The following PRKCE variants were observed in gnomAD, a reference collection of about 807,000 sequenced individuals.
The protein encoded by PRKCE is protein kinase C epsilon.
Under a neutral mutation model 85.4 loss-of-function variants are expected in PRKCE, and 16 were observed. That is an observed-to-expected ratio of 0.19 (90% CI 0.13 to 0.28). PRKCE has a LOEUF of 0.28. PRKCE is among the 10% of genes least tolerant of loss of function. The probability of loss-of-function intolerance (pLI) is 1.00; values close to 1 mark genes in which losing one functional copy is unlikely to be tolerated. For synonymous variants in PRKCE, 388 were observed against 371.5 expected (o/e 1.04, Z -0.51); for missense variants, 573 against 975.2 (o/e 0.59, Z 5.49).
rs70937991 is a variant in PRKCE at position 46,123,214 on chromosome 2, C to CTTTTTTTTT, written c.1593-21858_1593-21850dup. 7.6e-3 allele frequency among the ~76,000 whole-genome samples: 208 copies of CTTTTTTTTT among 27,372 alleles called. 54 individuals carry two copies. Among genetic ancestry groups the CTTTTTTTTT allele is most frequent in the African/African-American group, 0.016 (128 of 7,914 alleles). 18.0% of individuals were successfully genotyped at this position (27,372 alleles called of 152,430 possible). On this transcript the variant is annotated intron_variant, in intron 11 of 14. Transcript: ENST00000306156. ...AAGCTTTACAAAGGAAAACACTTGC[C>CTTTTTTTTT]TTTTTTTTTTTTTTTTTTTTTTTTT... is the stretch of plus-strand genomic sequence containing the variant.
Position 45,815,472 on chromosome 2 carries a change from G to A in PRKCE, c.349-27528G>A, listed in dbSNP as rs1001425275. ...ATTCCCCTATTCTTAGTTTGCAATT[G>A]GTTGTCTCCTGTCAGGTTCCAATCC... On this transcript the variant is annotated intron_variant, in intron 1 of 14. Coordinates refer to ENST00000306156, the MANE Select transcript of PRKCE (RefSeq NM_005400.3). Among the ~76,000 whole-genome samples, 13 of 152,184 alleles carry A rather than the reference G, an allele frequency of 8.5e-5. 1 individual carries two copies. The highest frequency in any genetic ancestry group is 2.9e-4 in the African/African-American group (12 of 41,522).
Position 45,652,268 on chromosome 2 carries a change from C to G in PRKCE, c.168C>G (p.Thr56=). The part of the protein sequence containing the change: ...VDDSRIGQTA[T]KQKTNSPAWH... ...ACTCGCGCATCGGCCAAACGGCCACCAAGCAGAAGACCAACAGCCCGGCCT... is the reference window on the plus strand; with the variant it reads ...ACTCGCGCATCGGCCAAACGGCCACGAAGCAGAAGACCAACAGCCCGGCCT... Residue 56 remains threonine (T), a synonymous_variant, in exon 1 of 15, where the codon ACC becomes ACG. Transcript: ENST00000306156. The surrounding 1 kb of genome is among the most constrained non-coding windows in gnomAD (Gnocchi z 7.7). The G allele has an allele frequency of 1.9e-6, 3 of 1,613,314 alleles. No homozygotes were observed. Among genetic ancestry groups the G allele is most frequent in the Non-Finnish European group, 2.5e-6 (3 of 1,180,000 alleles).
In PRKCE at chr2:45,783,088, A is replaced by G. The variant is rs371030274; in HGVS notation, c.349-59912A>G. Among the ~76,000 whole-genome samples the G allele has an allele frequency of 3.3e-5, 5 of 152,306 alleles. No homozygotes were observed. In the South Asian group the frequency reaches 8.3e-4, roughly 25 times the overall value. On this transcript the variant is annotated intron_variant, in intron 1 of 14. Transcript: ENST00000306156. ...ATATAAATAGCCATGTGCTGGCCCC[A>G]GTGGCCAGTGTGCACTCCCAGGCTG...
intron 10 of PRKCE, among the ~76,000 whole-genome samples, chr2:46,015,691 CAAA>C (rs749060776): frequency 3.7e-5 from 3 of 80,786 alleles, no homozygotes; most frequent in Non-Finnish European, 7.4e-5. Context: ...AACACTAAAC[CAAA>C]AAAAAAAAAA....
At chr2:45,911,776 G>A (rs899200613) in intron 2 of PRKCE, among the ~76,000 whole-genome samples, 4 of 152,130 alleles carry the variant, frequency 2.6e-5, no homozygotes, top group African/African-American at 9.7e-5. Flanking sequence ...CCACTTGCTA[G>A]CCTTGTTATT....
At chr2:45,653,573 T>C (rs1364637535) in intron 1 of PRKCE, among the ~76,000 whole-genome samples, 1 of 152,084 alleles carries the variant, frequency 6.6e-6, no homozygotes, top group Non-Finnish European at 1.5e-5. Context: ...AGCAATTGCT[T>C]TCTATTGAAA....
intron 10 of PRKCE, among the ~76,000 whole-genome samples, chr2:46,048,992 G>A (rs1165884028): frequency 1.3e-5 from 2 of 152,114 alleles, no homozygotes; most frequent in African/African-American, 4.8e-5. Flanking sequence ...TACACAGGAG[G>A]AACTCCAAAA....
intron 10 of PRKCE, among the ~76,000 whole-genome samples, chr2:46,049,129 G>A: frequency 6.6e-6 from 1 of 152,182 alleles, no homozygotes; most frequent in East Asian, 1.9e-4. Flanking sequence ...TACAAGGTCT[G>A]TCTTTCCCCT....
At chr2:45,917,748 C>CGCA (rs1697918440) in intron 2 of PRKCE, among the ~76,000 whole-genome samples, 1 of 152,196 alleles carries the variant, frequency 6.6e-6, no homozygotes, top group African/African-American at 2.4e-5. Context: ...AGGCTCCGGC[C>CGCA]GCACGGGAGC....
chr2:45,928,573 A>AC (rs1698804372), intron 2 of PRKCE, among the ~76,000 whole-genome samples: 1 of 152,180 alleles, frequency 6.6e-6, no homozygotes, highest in Non-Finnish European at 1.5e-5. Flanking sequence ...CCCGGCCCAT[A>AC]ACTTTACACT....
At chr2:45,750,710 G>T (rs1474785686) in intron 1 of PRKCE, among the ~76,000 whole-genome samples, 1 of 152,120 alleles carries the variant, frequency 6.6e-6, no homozygotes, top group African/African-American at 2.4e-5. Context: ...CCTATATCAT[G>T]GGTCATTCTG....
intron 1 of PRKCE, among the ~76,000 whole-genome samples, chr2:45,775,662 G>A (rs2104952324): frequency 6.6e-6 from 1 of 152,236 alleles, no homozygotes; most frequent in Middle Eastern, 3.4e-3. Flanking sequence ...TCCTACCAGG[G>A]AACTTGCAGT....
intron 9 of PRKCE, among the ~76,000 whole-genome samples, chr2:46,008,168 T>C (rs991344918): frequency 1.3e-5 from 2 of 152,234 alleles, no homozygotes; most frequent in African/African-American, 4.8e-5. Context: ...TAATAAATGT[T>C]CTGTTTATCC....
At chr2:46,142,739 G>C (rs151058340) in intron 11 of PRKCE, among the ~76,000 whole-genome samples, 113 of 152,376 alleles carry the variant, frequency 7.4e-4, no homozygotes, top group African/African-American at 2.6e-3. Flanking sequence ...AGGAGCTGGG[G>C]AGCAGTGAGG....
In PRKCE at chr2:45,918,538, C is replaced by G. The variant is rs550872096; in HGVS notation, c.413-57891C>G. Among the ~76,000 whole-genome samples the G allele has an allele frequency of 2.4e-4, 37 of 152,290 alleles. 1 individual carries two copies. In the South Asian group the frequency reaches 5.0e-3, roughly 20 times the overall value. On this transcript the variant is annotated intron_variant, in intron 2 of 14. Transcript: ENST00000306156. The stretch of plus-strand genomic sequence containing the variant: ...CAGAAAAGGGTTCGGACAATAAATG[C>G]AATTGGAGGAGGAAAAAATAATAAC...
chr2:45,914,983 C>T (rs536194901), intron 2 of PRKCE, among the ~76,000 whole-genome samples: 1 of 152,356 alleles, frequency 6.6e-6, no homozygotes, highest in African/African-American at 2.4e-5. Flanking sequence ...GTCACCTAGG[C>T]TAGAGTGCAG....
intron 1 of PRKCE, among the ~76,000 whole-genome samples, chr2:45,655,308 A>G (rs1675325517): frequency 6.6e-6 from 1 of 152,074 alleles, no homozygotes; most frequent in Non-Finnish European, 1.5e-5. Flanking sequence ...AATGCAGCCC[A>G]ACACAAATTT....
At chr2:45,888,370 G>A (rs1369584086) in intron 2 of PRKCE, among the ~76,000 whole-genome samples, 1 of 151,746 alleles carries the variant, frequency 6.6e-6, no homozygotes, top group Non-Finnish European at 1.5e-5. Context: ...ATCTCTAGAT[G>A]TGGATACAGC....
intron 6 of PRKCE, among the ~76,000 whole-genome samples, chr2:45,991,952 C>T (rs762491642): frequency 2.6e-5 from 4 of 152,104 alleles, no homozygotes; most frequent in African/African-American, 9.7e-5. Context: ...TACTACTTTC[C>T]GTAGAGTTAG....
Sources: allele counts gnomAD v4.1 joint callset (sites outside exome capture counted in the v4.1 genomes callset), GRCh38; gene constraint gnomAD v4.1.1; non-coding constraint Gnocchi (gnomAD v3.1); transcripts MANE v1.5; gene names NCBI Gene and HGNC (gene_info 2026-07-23, HGNC 2026-07-21).